AOC3: variants seen among roughly 807,000 people sequenced by gnomAD.
AOC3 encodes the protein amine oxidase [copper-containing] 3.
Under a neutral mutation model 55.4 loss-of-function variants are expected in AOC3, and 47 were observed. The observed-to-expected ratio is 0.85, with a 90% confidence interval of 0.67 to 1.08. The LOEUF (loss-of-function observed/expected upper bound fraction) is 1.08. AOC3 is among the 50% of genes least tolerant of loss of function. The pLI is 0.00. For missense variants in AOC3, 853 were observed against 993.1 expected (o/e 0.86, Z 1.90); for synonymous variants, 386 against 410.7 (o/e 0.94, Z 0.73).
Position 42,851,302 on chromosome 17 carries a change from T to C in AOC3, c.-42T>C. 1 of 1,549,812 alleles carries C rather than the reference T, an allele frequency of 6.5e-7. No individual in the cohort carries two copies. The highest frequency in any genetic ancestry group is 8.7e-7 in the Non-Finnish European group (1 of 1,144,852). ...CCGTCTTGCTGGCGTGAGAATACAT[T>C]GCTCTCCTTTGGTTGAATCAGCTGT... On this transcript the variant is annotated 5_prime_UTR_variant, in exon 1 of 4. Coordinates refer to ENST00000308423, the MANE Select transcript of AOC3 (RefSeq NM_003734.4).
Position 42,852,952 on chromosome 17 carries a change from T to TCC in AOC3, c.1600+9_1600+10insCC, listed in dbSNP as rs2055697437. ...GGATCTGGATGTAGCAGGTAAGACA[T>TCC]TTTGGTGGGGAGAAGGCTTCTGGAA... On this transcript the variant is annotated intron_variant, in intron 1 of 3. Coordinates refer to ENST00000308423, the MANE Select transcript of AOC3 (RefSeq NM_003734.4). 1 of 1,594,886 alleles carries TCC rather than the reference T, an allele frequency of 6.3e-7. No individual in the cohort carries two copies. Among genetic ancestry groups the TCC allele is most frequent in the African/African-American group, 1.3e-5 (1 of 74,578 alleles).
At chr17:42,856,102 G>A (rs990378774) in intron 3 of AOC3, among the ~76,000 whole-genome samples, 173 bp from the exon 4 acceptor site, 8 of 152,176 alleles carry the variant, frequency 5.3e-5, no homozygotes, top group Admixed American at 2.0e-4. Context: ...TGCAAGCCAG[G>A]GACAGGGAAG....
intron 1 of AOC3, 115 bp from the exon 2 acceptor site, chr17:42,854,333 G>T: frequency 1.0e-6 from 1 of 983,722 alleles, no homozygotes; most frequent in African/African-American, 1.7e-5. Context: ...GAGAAGGAGG[G>T]GCACACTCAG....
intron 1 of AOC3, 184 bp downstream of exon 1, chr17:42,853,127 A>G: frequency 7.3e-7 from 1 of 1,370,298 alleles, no homozygotes; most frequent in Non-Finnish European, 9.6e-7. Context: ...GGCTGGGTGC[A>G]AAGCTGCAGC....
At position 42,856,909 on chromosome 17, in the gene AOC3, C is replaced by G; in HGVS notation, c.*359C>G. Reference sequence around the variant, plus strand: ...CAAGGACTCTAAAAGGGGGCTATTCCCTGGAGACCCCAGAGTAGGGTTGCC... The same window carrying G: ...CAAGGACTCTAAAAGGGGGCTATTCGCTGGAGACCCCAGAGTAGGGTTGCC... On this transcript the variant is annotated 3_prime_UTR_variant, in exon 4 of 4. Coordinates refer to ENST00000308423, the MANE Select transcript of AOC3 (RefSeq NM_003734.4). The G allele has an allele frequency of 3.6e-6, 1 of 276,254 alleles. No homozygotes were observed. The highest frequency in any genetic ancestry group is 6.9e-6 in the Non-Finnish European group (1 of 145,226). 17.1% of individuals were successfully genotyped at this position (276,254 alleles called of 1,614,324 possible).
In AOC3 at chr17:42,852,761, A is replaced by C; in HGVS notation, c.1418A>C (p.Tyr473Ser). 2 of 1,613,550 alleles carry C rather than the reference A, an allele frequency of 1.2e-6. No homozygotes were observed. The highest frequency in any genetic ancestry group is 1.7e-6 in the Non-Finnish European group (2 of 1,179,550). ...RSMSTLLNYDYVWDTVFHPSG... is the reference protein window; with the variant it reads ...RSMSTLLNYDSVWDTVFHPSG... The stretch of plus-strand genomic sequence containing the variant: ...ATGTCCACCTTGCTCAACTATGACT[A>C]TGTGTGGGATACGGTCTTCCACCCC... Residue 473 changes from tyrosine to serine, a missense_variant, in exon 1 of 4, where the codon TAT becomes TCT. By Grantham distance (144) the Tyr-to-Ser change is moderately radical (BLOSUM62 -2). Transcript: ENST00000308423.
rs1437479121 is a variant in AOC3, at chr17:42,851,300, A to G, written c.-44A>G. The G allele has an allele frequency of 5.8e-6, 9 of 1,547,168 alleles. No individual in the cohort carries two copies. Among genetic ancestry groups the G allele is most frequent in the Middle Eastern group, 1.7e-4 (1 of 5,742 alleles). On this transcript the variant is annotated 5_prime_UTR_variant, in exon 1 of 4. Coordinates refer to ENST00000308423, the MANE Select transcript of AOC3 (RefSeq NM_003734.4). Reference sequence around the variant, plus strand: ...CCCCGTCTTGCTGGCGTGAGAATACATTGCTCTCCTTTGGTTGAATCAGCT... The same window carrying G: ...CCCCGTCTTGCTGGCGTGAGAATACGTTGCTCTCCTTTGGTTGAATCAGCT...
intron 2 of AOC3, 96 bp from the exon 3 acceptor site, chr17:42,855,347 TG>T (rs2055734619): frequency 6.7e-7 from 1 of 1,497,070 alleles, no homozygotes. Context: ...TGACTGCAAT[TG>T]GGGAAGCTGA....
intron 2 of AOC3, 75 bp from the exon 3 acceptor site, chr17:42,855,369 C>T (rs1051134387): frequency 2.3e-5 from 36 of 1,546,232 alleles, no homozygotes; most frequent in Non-Finnish European, 3.0e-5. Flanking sequence ...GCTCTGAGCA[C>T]TCAGTTCCCT....
At position 42,855,652 on chromosome 17, in the gene AOC3, CA is replaced by C; in HGVS notation, c.2016+80del. 3 of 1,585,258 alleles carry C rather than the reference CA, an allele frequency of 1.9e-6. No homozygotes were observed. In the South Asian group the frequency reaches 3.4e-5, roughly 18 times the overall value. On this transcript the variant is annotated intron_variant, in intron 3 of 3. Transcript: ENST00000308423. ...GTCCCTGAAAACCACCTGCACTTCT[CA>C]GGGGTGGTGCTGATTCCTGCCTTCT...
rs35097308 is a variant in AOC3 at position 42,852,455 on chromosome 17, T to C, written c.1112T>C (p.Ile371Thr). The C allele has an allele frequency of 1.8e-3, 2,952 of 1,614,148 alleles. 55 individuals carry two copies. The African/African-American group carries it at 0.035, about 19-fold the overall frequency. The change falls in exon 1 of 4, where the codon ATC (isoleucine) becomes ACC (threonine). Residue 371 changes from isoleucine (I) to threonine (T), a missense_variant. Transcript: ENST00000308423. ...ATAAGCCTCCAAGAGGCCTTGGCCA[T>C]CTATGGTGGAAATTCCCCAGCAGCA... ...YEISLQEALA[I>T]YGGNSPAAMT...
rs150410758 is a variant in AOC3 at position 42,852,397 on chromosome 17, G to C, written c.1054G>C (p.Val352Leu). 1 of 1,614,166 alleles carries C rather than the reference G, an allele frequency of 6.2e-7. No homozygotes were observed. The highest frequency in any genetic ancestry group is 8.5e-7 in the Non-Finnish European group (1 of 1,180,052). Residue 352 changes from valine to leucine, a missense_variant, in exon 1 of 4, where the codon GTT becomes CTT. Coordinates refer to ENST00000308423, the MANE Select transcript of AOC3 (RefSeq NM_003734.4). Reference sequence around the variant, plus strand: ...ATTCAGTGGCCCAAGGATCTTTGACGTTCGCTTCCAAGGAGAAAGACTAGT... The same window carrying C: ...ATTCAGTGGCCCAAGGATCTTTGACCTTCGCTTCCAAGGAGAAAGACTAGT... ...GAFSGPRIFDVRFQGERLVYE... is the reference protein window; with the variant it reads ...GAFSGPRIFDLRFQGERLVYE...
intron 1 of AOC3, chr17:42,853,152 C>T (rs967811255): frequency 3.8e-5 from 52 of 1,382,076 alleles, no homozygotes; most frequent in Non-Finnish European, 4.9e-5. Flanking sequence ...CTCTACGTGA[C>T]CTCATCCAAA....
intron 3 of AOC3, 102 bp downstream of exon 3, chr17:42,855,675 T>G: frequency 6.8e-7 from 1 of 1,480,006 alleles, no homozygotes; most frequent in Non-Finnish European, 9.3e-7. Context: ...GATTCCTGCC[T>G]TCTGCACTTC....
In AOC3 at chr17:42,852,242, G is replaced by T. The variant is rs755982522; in HGVS notation, c.899G>T (p.Trp300Leu). ...LIPDNGTGGSWSLKSPVPPGP... is the reference protein window; with the variant it reads ...LIPDNGTGGSLSLKSPVPPGP... ...CCAGACAATGGCACAGGTGGGTCCT[G>T]GTCCCTGAAGTCCCCTGTGCCCCCG... The change falls in exon 1 of 4, where the codon TGG becomes TTG. Residue 300 changes from tryptophan to leucine, a missense_variant. Coordinates refer to ENST00000308423, the MANE Select transcript of AOC3 (RefSeq NM_003734.4). 2.5e-6 allele frequency: 4 copies of T among 1,613,560 alleles called. No individual in the cohort carries two copies. The highest frequency in any genetic ancestry group is 3.4e-6 in the Non-Finnish European group (4 of 1,179,898).
At chr17:42,854,950 G>A (rs1241510888) in intron 2 of AOC3, among the ~76,000 whole-genome samples, 3 of 150,908 alleles carry the variant, frequency 2.0e-5, no homozygotes, top group Admixed American at 6.6e-5. Flanking sequence ...AGTTTCAAGC[G>A]ATTCTCCTGC....
chr17:42,852,548 T>C lies in AOC3; in HGVS notation c.1205T>C (p.Val402Ala). 6.2e-7 allele frequency: 1 copy of C among 1,614,092 alleles called. No individual in the cohort carries two copies. Among genetic ancestry groups the C allele is most frequent in the Non-Finnish European group, 8.5e-7 (1 of 1,180,006 alleles). ...TACACCACGCCCCTGACCCGTGGGG[T>C]GGACTGCCCCTACTTGGCCACCTAC... ...GKYTTPLTRG[V>A]DCPYLATYVD... The change falls in exon 1 of 4, where the codon GTG becomes GCG. Residue 402 changes from valine to alanine, a missense_variant. Val to Ala is a moderately conservative substitution (Grantham distance 64). Transcript: ENST00000308423.
Position 42,856,789 on chromosome 17 carries a change from C to T in AOC3, c.*239C>T, listed in dbSNP as rs2144310426. ...TGTACTGAGTTCTCATCCACAGAGG[C>T]CAGGCATGGCCCAGCCTGGAGCCGT... On this transcript the variant is annotated 3_prime_UTR_variant, in exon 4 of 4. Transcript: ENST00000308423. 1 of 577,868 alleles carries T rather than the reference C, an allele frequency of 1.7e-6. No individual in the cohort carries two copies. Among genetic ancestry groups the T allele is most frequent in the African/African-American group, 1.9e-5 (1 of 53,640 alleles). 35.8% of individuals were successfully genotyped at this position (577,868 alleles called of 1,614,324 possible).
At chr17:42,853,647 ATC>A (rs1185106039) in intron 1 of AOC3, among the ~76,000 whole-genome samples, 2 of 151,854 alleles carry the variant, frequency 1.3e-5, no homozygotes, top group African/African-American at 4.8e-5. Flanking sequence ...CACCTGCAGT[ATC>A]TCGGCAGGTC....
Sources: gnomAD v4.1 joint callset for allele counts (sites outside exome capture counted in the v4.1 genomes callset) on GRCh38, gnomAD v4.1.1 for gene constraint, MANE v1.5 for transcripts, NCBI Gene and HGNC (gene_info 2026-07-23, HGNC 2026-07-21) for gene names.